Variants in DCBLD1 observed in about 807,000 individuals in gnomAD.
DCBLD1 encodes discoidin, CUB and LCCL domain containing 1, also known as discoidin, CUB and LCCL domain-containing protein 1.
Under a neutral mutation model 71.5 loss-of-function variants are expected in DCBLD1, and 57 were observed. The observed-to-expected ratio is 0.80, with a 90% CI of 0.64 to 0.99. DCBLD1 has a LOEUF of 0.99. DCBLD1 is among the 50% of genes least tolerant of loss of function. The pLI, the probability that DCBLD1 is intolerant of heterozygous loss-of-function variation, is 0.00. For missense variants in DCBLD1, 891 were observed against 923.5 expected (o/e 0.96, Z 0.46); for synonymous variants, 380 against 363.8 (o/e 1.04, Z -0.51).
In DCBLD1 at chr6:117,488,531, GCT is replaced by G. The variant is rs560755882; in HGVS notation, c.112+5639_112+5640del. ...GTGGTGGCACATGCCTGTAATCCCA[GCT>G]ACTAGGGAAGCTGAGGTGGGAGGAT... On this transcript the variant is annotated intron_variant, in intron 1 of 14. Transcript: ENST00000338728. 4.3e-4 allele frequency among the ~76,000 whole-genome samples: 66 copies of G among 152,256 alleles called. No individual in the cohort carries two copies. In the South Asian group the frequency reaches 0.014, roughly 32 times the overall value.
intron 1 of DCBLD1, among the ~76,000 whole-genome samples, chr6:117,499,240 C>CAAAAAAAAA (rs71012362): frequency 5.5e-5 from 6 of 108,732 alleles, no homozygotes; most frequent in African/African-American, 1.3e-4. Context: ...CCATCTCTAC[C>CAAAAAAAAA]AAAAAAAAAA....
chr6:117,564,301 T>A (rs1381436865), intron 14 of DCBLD1, among the ~76,000 whole-genome samples: 1 of 152,178 alleles, frequency 6.6e-6, no homozygotes, highest in African/African-American at 2.4e-5. Flanking sequence ...GTAATACATA[T>A]AATTGTAAAA....
intron 14 of DCBLD1, chr6:117,560,830 T>G: frequency 4.7e-6 from 1 of 214,366 alleles, no homozygotes; most frequent in Non-Finnish European, 9.4e-6. Context: ...GTATTTCTCC[T>G]TCTGTCCCCT....
chr6:117,510,360 G>GACACACACACACACACAC (rs35676008), intron 2 of DCBLD1, among the ~76,000 whole-genome samples: 1 of 146,766 alleles, frequency 6.8e-6, no homozygotes, highest in Admixed American at 6.8e-5. Context: ...CACAGACACA[G>GACACACACACACACACAC]ACACACACAC....
intron 1 of DCBLD1, among the ~76,000 whole-genome samples, chr6:117,499,886 C>T (rs12182049): frequency 0.09 from 13,627 of 152,144 alleles, 710 homozygotes; most frequent in Middle Eastern, 0.16. Flanking sequence ...GGTGTGGTAG[C>T]GCATGCCTGT....
In DCBLD1 at chr6:117,545,576, C is replaced by T. The variant is rs755907062; in HGVS notation, c.1594C>T (p.Leu532Phe). 1 of 1,614,058 alleles carries T rather than the reference C, an allele frequency of 6.2e-7. No individual in the cohort carries two copies. Among genetic ancestry groups the T allele is most frequent in the East Asian group, 2.2e-5 (1 of 44,878 alleles). The change falls in exon 14 of 15, where the codon CTC becomes TTC. Residue 532 changes from leucine (L) to phenylalanine (F), a missense_variant. Physicochemically the swap from Leu to Phe is conservative, Grantham distance 22. Transcript: ENST00000338728. ...NEKEMTQKLD[L>F]ITSDMADYQQ... ...GAAGGAGATGACACAAAAGTTAGAT[C>T]TCATCACAAGTGATATGGCAGGTAA...
intron 1 of DCBLD1, among the ~76,000 whole-genome samples, chr6:117,500,583 C>T (rs1777621975): frequency 6.6e-6 from 1 of 152,190 alleles, no homozygotes; most frequent in Admixed American, 6.5e-5. Flanking sequence ...AAGTGATACC[C>T]TGGCCGGGTG....
chr6:117,548,334 T>G lies in DCBLD1; in HGVS notation c.2043T>G (p.Pro681=), dbSNP rs1779349070. Residue 681 remains proline (P), a synonymous_variant, in exon 15 of 15, where the codon CCT becomes CCG. Coordinates refer to ENST00000338728, the MANE Select transcript of DCBLD1 (RefSeq NM_001366458.2). ...VSALATESGH[P]DSQKPPTHPG... ...CCCTCGCCACCGAAAGCGGGCACCCTGACTCTCAGAAGCCCCCAACGCATC... is the reference window on the plus strand; with the variant it reads ...CCCTCGCCACCGAAAGCGGGCACCCGGACTCTCAGAAGCCCCCAACGCATC... The G allele has an allele frequency of 1.3e-6, 2 of 1,550,548 alleles. No individual in the cohort carries two copies. The highest frequency in any genetic ancestry group is 1.2e-5 in the South Asian group (1 of 84,052).
downstream of DCBLD1, among the ~76,000 whole-genome samples, chr6:117,550,126 T>C (rs1779402395): frequency 6.6e-6 from 1 of 152,228 alleles, no homozygotes; most frequent in Admixed American, 6.5e-5. Context: ...AATTTTAATA[T>C]TGGAATATTA....
At chr6:117,516,871 C>T (rs1270365224) in intron 2 of DCBLD1, among the ~76,000 whole-genome samples, 1 of 152,100 alleles carries the variant, frequency 6.6e-6, no homozygotes, top group African/African-American at 2.4e-5. Flanking sequence ...ATGGGAAAGA[C>T]CTTCCTCCAT....
At chr6:117,530,551 C>CT (rs1778682349) in intron 5 of DCBLD1, among the ~76,000 whole-genome samples, 1 of 152,148 alleles carries the variant, frequency 6.6e-6, no homozygotes, top group Non-Finnish European at 1.5e-5. Context: ...AGTCCACAGC[C>CT]TGGGGGCTTG....
At chr6:117,505,070 A>G (rs992752283) in intron 2 of DCBLD1, among the ~76,000 whole-genome samples, 7 of 152,194 alleles carry the variant, frequency 4.6e-5, no homozygotes, top group African/African-American at 7.2e-5. Context: ...AAAAAGATCT[A>G]AGATTGTTTT....
At chr6:117,517,396 T>G (rs1365085884) in intron 2 of DCBLD1, among the ~76,000 whole-genome samples, 1 of 152,198 alleles carries the variant, frequency 6.6e-6, no homozygotes, top group East Asian at 1.9e-4. Flanking sequence ...ACAGCCTCCC[T>G]CCCCACTGCT....
intron 13 of DCBLD1, among the ~76,000 whole-genome samples, chr6:117,544,788 C>T: frequency 6.6e-6 from 1 of 151,790 alleles, no homozygotes; most frequent in East Asian, 2.0e-4. Context: ...CAATGTCATC[C>T]CCTATCATTT....
intron 5 of DCBLD1, among the ~76,000 whole-genome samples, chr6:117,530,879 C>G (rs1233371460): frequency 6.6e-6 from 1 of 152,110 alleles, no homozygotes; most frequent in Non-Finnish European, 1.5e-5. Context: ...TCTTTACGAT[C>G]TTTTTCTCTT....
At chr6:117,558,876 T>G (rs1779531594) in intron 14 of DCBLD1, among the ~76,000 whole-genome samples, 1 of 152,184 alleles carries the variant, frequency 6.6e-6, no homozygotes, top group African/African-American at 2.4e-5. Context: ...TACAAACACT[T>G]CAGGCACAGT....
intron 2 of DCBLD1, among the ~76,000 whole-genome samples, chr6:117,519,557 C>G (rs1469496939): frequency 1.3e-5 from 2 of 152,156 alleles, no homozygotes; most frequent in Non-Finnish European, 2.9e-5. Flanking sequence ...AAAAACAAAA[C>G]CTATCTCTTG....
chr6:117,555,057 C>T (rs760712037), intron 14 of DCBLD1, among the ~76,000 whole-genome samples: 2 of 152,054 alleles, frequency 1.3e-5, no homozygotes, highest in Non-Finnish European at 2.9e-5. Flanking sequence ...AGTAGCATTG[C>T]CCTGTGAAAT....
At chr6:117,552,105 G>T (rs1466810006), downstream of DCBLD1, among the ~76,000 whole-genome samples, 1 of 152,192 alleles carries the variant, frequency 6.6e-6, no homozygotes, top group Non-Finnish European at 1.5e-5. Context: ...GGGCAACAGA[G>T]CAAGACCATG....
Sources: gnomAD v4.1 joint callset for allele counts (sites outside exome capture counted in the v4.1 genomes callset) on GRCh38, gnomAD v4.1.1 for gene constraint, MANE v1.5 for transcripts, NCBI Gene and HGNC (gene_info 2026-07-23, HGNC 2026-07-21) for gene names.